LRP1B: variants seen among roughly 807,000 people sequenced by gnomAD.
The protein encoded by LRP1B is LDL receptor related protein 1B, also known as low-density lipoprotein receptor-related protein 1B.
Under a neutral mutation model 556.6 loss-of-function variants are expected in LRP1B, and 217 were observed. The ratio of observed to expected loss-of-function variants is 0.39; its 90% confidence interval spans 0.35 to 0.44. The LOEUF (loss-of-function observed/expected upper bound fraction) is 0.44. LRP1B is among the 20% of genes least tolerant of loss of function. The pLI is 1.00. For synonymous variants in LRP1B, 2,047 were observed against 1,865.8 expected (o/e 1.10, Z -2.50); for missense variants, 5,053 against 5,620.8 (o/e 0.90, Z 3.23).
intron 1 of LRP1B, among the ~76,000 whole-genome samples, chr2:141,893,360 C>G (rs144876887): frequency 0.017 from 2,660 of 152,152 alleles, 97 homozygotes; most frequent in African/African-American, 0.06. Context: ...GCCACCGCAC[C>G]TGGCTAATTT....
intron 6 of LRP1B, among the ~76,000 whole-genome samples, chr2:141,189,933 G>GAGA (rs1681430785): frequency 1.3e-4 from 1 of 7,984 alleles, no homozygotes; most frequent in African/African-American, 2.1e-4. Flanking sequence ...AGTTCCTTTA[G>GAGA]AAGAAAGAAA....
intron 21 of LRP1B, among the ~76,000 whole-genome samples, chr2:140,918,768 T>C (rs2105251086): frequency 6.6e-6 from 1 of 152,140 alleles, no homozygotes; most frequent in African/African-American, 2.4e-5. Flanking sequence ...AGTTGGCATA[T>C]CATAAGAAGA....
chr2:140,776,693 A>G (rs1689512869), intron 32 of LRP1B, among the ~76,000 whole-genome samples: 1 of 152,050 alleles, frequency 6.6e-6, no homozygotes, highest in Admixed American at 6.6e-5. Context: ...CCCACTTTTT[A>G]TTTGTTAAAA....
chr2:140,310,672 T>A (rs920107407), intron 83 of LRP1B, among the ~76,000 whole-genome samples: 8 of 151,898 alleles, frequency 5.3e-5, no homozygotes, highest in Admixed American at 3.3e-4. Context: ...CAATAAATGG[T>A]CCTGGGAAAA....
In LRP1B at chr2:141,886,688, A is replaced by G. The variant is rs574064774; in HGVS notation, c.83-76287T>C. ...AGTAACATTTAAAATCAGTCAAATT[A>G]TTTTTAAAATTCCTTTGCTTAATAG... On this transcript the variant is annotated intron_variant, in intron 1 of 90. Transcript: ENST00000389484. Among the ~76,000 whole-genome samples, 4 of 152,260 alleles carry G rather than the reference A, an allele frequency of 2.6e-5. No individual in the cohort carries two copies. In the East Asian group the frequency reaches 7.7e-4, roughly 29 times the overall value.
At chr2:140,836,300 T>C (rs945970140) in intron 31 of LRP1B, among the ~76,000 whole-genome samples, 1 of 152,102 alleles carries the variant, frequency 6.6e-6, no homozygotes, top group African/African-American at 2.4e-5. Flanking sequence ...TTAGAAAAGG[T>C]AAGAGATTTG....
chr2:140,610,874 A>G (rs1042130233), intron 41 of LRP1B, among the ~76,000 whole-genome samples: 1 of 152,238 alleles, frequency 6.6e-6, no homozygotes, highest in East Asian at 1.9e-4. Flanking sequence ...CCCAGCCTAG[A>G]CTTTCTGTAT....
chr2:140,573,359 G>C (rs903339021), intron 43 of LRP1B, among the ~76,000 whole-genome samples: 2 of 151,852 alleles, frequency 1.3e-5, no homozygotes, highest in Non-Finnish European at 3.0e-5. Flanking sequence ...ATCAGATTTA[G>C]TGTCTTCATT....
chr2:141,484,641 A>G (rs1683052218), intron 2 of LRP1B, among the ~76,000 whole-genome samples: 1 of 151,996 alleles, frequency 6.6e-6, no homozygotes, highest in Non-Finnish European at 1.5e-5. Flanking sequence ...TATTTCATTG[A>G]GCAGTGGTTT....
chr2:140,787,558 A>ATTTT lies in LRP1B; in HGVS notation c.5360-11324_5360-11321dup, dbSNP rs756825067. Among the ~76,000 whole-genome samples the ATTTT allele has an allele frequency of 6.4e-3, 285 of 44,658 alleles. 23 individuals carry two copies. Among genetic ancestry groups the ATTTT allele is most frequent in the Admixed American group, 6.9e-3 (16 of 2,328 alleles). The allele number at this position is 44,658 out of a possible 152,430, so 29.3% of individuals were successfully genotyped here. A position where few individuals can be genotyped will look rare whatever the true frequency, so the allele number is the denominator to read the frequency against. On this transcript the variant is annotated intron_variant, in intron 32 of 90. Transcript: ENST00000389484. ...CCTATCTTCCTGTTTAAAACAGAAG[A>ATTTT]TTTTTTTTTTTTTTTTTTTTTTTTT... is the stretch of plus-strand genomic sequence containing the variant.
intron 32 of LRP1B, among the ~76,000 whole-genome samples, chr2:140,782,418 T>C (rs746722156): frequency 1.3e-5 from 2 of 152,112 alleles, no homozygotes; most frequent in Non-Finnish European, 2.9e-5. Flanking sequence ...GACACAGATA[T>C]GCACTGAGGA....
At chr2:140,353,521 G>A (rs1682069538) in intron 75 of LRP1B, among the ~76,000 whole-genome samples, 1 of 151,956 alleles carries the variant, frequency 6.6e-6, no homozygotes. Flanking sequence ...CTACCTCCAT[G>A]CCTTCGAAGG....
chr2:142,018,787 CT>C (rs562470957), intron 1 of LRP1B, among the ~76,000 whole-genome samples: 65 of 145,654 alleles, frequency 4.5e-4, no homozygotes, highest in East Asian at 5.9e-4. Context: ...CTGACTTACG[CT>C]TTTTTTTTTT....
chr2:141,067,302 A>C (rs955595137), intron 7 of LRP1B, among the ~76,000 whole-genome samples: 4 of 152,044 alleles, frequency 2.6e-5, no homozygotes, highest in African/African-American at 9.7e-5. Context: ...AAATTCTATT[A>C]GTTTCTGCCA....
chr2:141,865,591 CAAAAAA>C (rs78227528), intron 1 of LRP1B, among the ~76,000 whole-genome samples: 1 of 43,338 alleles, frequency 2.3e-5, no homozygotes, highest in African/African-American at 6.7e-5. Context: ...GACTCCGTCT[CAAAAAA>C]AAAAAAAAAA....
chr2:140,993,999 G>A lies in LRP1B; in HGVS notation c.2640C>T (p.Asn880=), dbSNP rs1320343499. The part of the protein sequence containing the change: ...CLDGSDEDSV[N]CFNHSCPDDQ... Reference sequence around the variant, plus strand: ...GTGACTTGGAAGAGAACATACAGCAGTTTACTGAATCCTCATCGCTTCCGT... The same window carrying A: ...GTGACTTGGAAGAGAACATACAGCAATTTACTGAATCCTCATCGCTTCCGT... Residue 880 remains asparagine (N), a synonymous_variant, in exon 16 of 91, where the codon AAC becomes AAT. Transcript: ENST00000389484. 4.2e-5 allele frequency: 67 copies of A among 1,612,170 alleles called. No individual in the cohort carries two copies. The highest frequency in any genetic ancestry group is 5.3e-5 in the Non-Finnish European group (62 of 1,178,776).
intron 73 of LRP1B, 27 bp downstream of exon 73, chr2:140,358,794 G>A (rs1286909894): frequency 6.2e-7 from 1 of 1,603,044 alleles, no homozygotes; most frequent in Non-Finnish European, 8.5e-7. Flanking sequence ...AGCCATCACT[G>A]AATTATTTCA....
At chr2:141,966,922 A>G (rs993443778) in intron 1 of LRP1B, among the ~76,000 whole-genome samples, 7 of 151,846 alleles carry the variant, frequency 4.6e-5, no homozygotes, top group Admixed American at 2.0e-4. Context: ...AGAGTTCAGG[A>G]TGGTGCTGGC....
intron 31 of LRP1B, among the ~76,000 whole-genome samples, chr2:140,828,369 G>C (rs2105069079): frequency 6.6e-6 from 1 of 151,606 alleles, no homozygotes; most frequent in South Asian, 2.1e-4. Flanking sequence ...CAGCACTTTG[G>C]GAGGCCGAGG....
Sources: gnomAD v4.1 joint callset for allele counts (sites outside exome capture counted in the v4.1 genomes callset) on GRCh38, gnomAD v4.1.1 for gene constraint, MANE v1.5 for transcripts, NCBI Gene and HGNC (gene_info 2026-07-23, HGNC 2026-07-21) for gene names.